Variants in KLF11 observed in about 807,000 individuals in gnomAD.
KLF11 encodes the protein Krueppel-like factor 11.
In KLF11, 26 loss-of-function variants were observed where a neutral mutation model predicts 29.9. The observed-to-expected ratio is 0.87, with a 90% confidence interval of 0.64 to 1.21. The LOEUF is 1.21. Ranked by LOEUF, KLF11 falls within the 50% of genes most tolerant of loss-of-function variation. The pLI, the probability that KLF11 is intolerant of heterozygous loss-of-function variation, is 0.00. For synonymous variants in KLF11, 318 were observed against 257.4 expected (o/e 1.24, Z -2.25); for missense variants, 778 against 665.7 (o/e 1.17, Z -1.86).
chr2:10,051,760 G>T (rs1298092231), intron 3 of KLF11, among the ~76,000 whole-genome samples: 1 of 151,846 alleles, frequency 6.6e-6, no homozygotes. Flanking sequence ...TTTGTGATCC[G>T]CCCGCCTCGG....
chr2:10,043,709 C>T lies in KLF11; in HGVS notation c.-8C>T, dbSNP rs1425584471. ...CGGCCGCTTTGTTGCTCCCGGCCGGCCTGCACGATGCACACGCCGGACTTC... is the reference window on the plus strand; with the variant it reads ...CGGCCGCTTTGTTGCTCCCGGCCGGTCTGCACGATGCACACGCCGGACTTC... On this transcript the variant is annotated 5_prime_UTR_variant, in exon 1 of 4. Transcript: ENST00000305883. 2.2e-6 allele frequency: 3 copies of T among 1,358,014 alleles called. No homozygotes were observed. Among genetic ancestry groups the T allele is most frequent in the African/African-American group, 1.6e-5 (1 of 64,430 alleles). 84.1% of individuals were successfully genotyped at this position (1,358,014 alleles called of 1,614,324 possible).
At chr2:10,046,559 T>TAGA (rs1661210694) in intron 2 of KLF11, 140 bp downstream of exon 2, 3 of 963,076 alleles carry the variant, frequency 3.1e-6, no homozygotes, top group Non-Finnish European at 4.8e-6. Context: ...TCTGAAGGAG[T>TAGA]AGAAACTCTT....
At chr2:10,050,410 A>G (rs1480194440) in intron 3 of KLF11, among the ~76,000 whole-genome samples, 1 of 136,530 alleles carries the variant, frequency 7.3e-6, no homozygotes, top group Non-Finnish European at 1.5e-5. Flanking sequence ...CTTATCTCAA[A>G]AAAAAAAAAA....
In KLF11 at chr2:10,053,245, A is replaced by G. The variant is rs146942100; in HGVS notation, c.*738A>G. The stretch of plus-strand genomic sequence containing the variant: ...TGAAGGATGTACCCCAGAGAGTAAC[A>G]TGAGCCACTGGGCAGATCCCAGGGA... On this transcript the variant is annotated 3_prime_UTR_variant, in exon 4 of 4. Coordinates refer to ENST00000305883, the MANE Select transcript of KLF11 (RefSeq NM_003597.5). The G allele has an allele frequency of 5.1e-4, 204 of 398,740 alleles. No homozygotes were observed. The highest frequency in any genetic ancestry group is 3.8e-3 in the African/African-American group (184 of 48,764). 24.7% of individuals were successfully genotyped at this position (398,740 alleles called of 1,614,324 possible). A position where few individuals can be genotyped will look rare whatever the true frequency, so the allele number is the denominator to read the frequency against.
chr2:10,043,689 G>A lies in KLF11; in HGVS notation c.-28G>A, dbSNP rs1298523782. Reference sequence around the variant, plus strand: ...GCGCCCGAGCTCACGCCCCGCGGCCGCTTTGTTGCTCCCGGCCGGCCTGCA... The same window carrying A: ...GCGCCCGAGCTCACGCCCCGCGGCCACTTTGTTGCTCCCGGCCGGCCTGCA... On this transcript the variant is annotated 5_prime_UTR_variant, in exon 1 of 4. Transcript: ENST00000305883. The A allele has an allele frequency of 3.8e-6, 5 of 1,305,234 alleles. No individual in the cohort carries two copies. Among genetic ancestry groups the A allele is most frequent in the African/African-American group, 3.2e-5 (2 of 62,976 alleles). The allele number at this position is 1,305,234 out of a possible 1,614,324, so 80.9% of individuals were successfully genotyped here.
intron 3 of KLF11, 128 bp from the exon 4 acceptor site, chr2:10,052,099 T>G: frequency 1.0e-6 from 1 of 983,424 alleles, no homozygotes. Flanking sequence ...ATCATCCAAT[T>G]CCAGAGTAAT....
At chr2:10,044,607 A>G (rs151012919) in intron 1 of KLF11, among the ~76,000 whole-genome samples, 1 of 150,378 alleles carries the variant, frequency 6.6e-6, no homozygotes, top group Non-Finnish European at 1.5e-5. Context: ...CATGGCAGAT[A>G]GAGAGGAAAC....
At position 10,047,680 on chromosome 2, in the gene KLF11, G is replaced by A. The variant is rs755317879; in HGVS notation, c.343G>A (p.Val115Met). 19 of 1,613,020 alleles carry A rather than the reference G, an allele frequency of 1.2e-5. No homozygotes were observed. Among genetic ancestry groups the A allele is most frequent in the African/African-American group, 2.7e-5 (2 of 74,830 alleles). ...CITPPQSPDL[V>M]EPSTRTPVSP... ...AACTCCTCCTCAGAGCCCTGATCTC[G>A]TGGAGCCATCGACAAGGACACCTGT... The change falls in exon 3 of 4, where the codon GTG becomes ATG. Residue 115 changes from valine (V) to methionine (M), a missense_variant. Coordinates refer to ENST00000305883, the MANE Select transcript of KLF11 (RefSeq NM_003597.5).
rs1268279074 is a variant in KLF11, at chr2:10,054,704, TTTA to T, written c.*2198_*2200del. ...CTTGATCTTTTGTGACTTTGAGCCTTTTAAGTAGTTTGAATGATAAGACTTAAA... is the reference window on the plus strand; with the variant it reads ...CTTGATCTTTTGTGACTTTGAGCCTTAGTAGTTTGAATGATAAGACTTAAA... On this transcript the variant is annotated 3_prime_UTR_variant, in exon 4 of 4. Coordinates refer to ENST00000305883, the MANE Select transcript of KLF11 (RefSeq NM_003597.5). 6.5e-6 allele frequency: 1 copy of T among 152,684 alleles called. No homozygotes were observed. The highest frequency in any genetic ancestry group is 1.5e-5 in the Non-Finnish European group (1 of 68,050). The allele number at this position is 152,684 out of a possible 1,614,324, so 9.5% of individuals were successfully genotyped here.
At chr2:10,045,789 C>G (rs370032206) in intron 1 of KLF11, among the ~76,000 whole-genome samples, 1 of 152,236 alleles carries the variant, frequency 6.6e-6, no homozygotes, top group African/African-American at 2.4e-5. Context: ...TCAGTGTTGG[C>G]TCCTCCTCCC....
Position 10,044,223 on chromosome 2 carries a change from G to C in KLF11, c.42+465G>C, listed in dbSNP as rs1192132899. On this transcript the variant is annotated intron_variant, in intron 1 of 3. Coordinates refer to ENST00000305883, the MANE Select transcript of KLF11 (RefSeq NM_003597.5). ...AGCGGCTAGCGGTAGTGCCGCTCGGGCCTGGGGGCGGGCAAGGTCTAGGGG... is the reference window on the plus strand; with the variant it reads ...AGCGGCTAGCGGTAGTGCCGCTCGGCCCTGGGGGCGGGCAAGGTCTAGGGG... 22 of 848,876 alleles carry C rather than the reference G, an allele frequency of 2.6e-5. No homozygotes were observed. In the Admixed American group the frequency reaches 9.7e-4, roughly 37 times the overall value. 52.6% of individuals were successfully genotyped at this position (848,876 alleles called of 1,614,324 possible). A position where few individuals can be genotyped will look rare whatever the true frequency, so the allele number is the denominator to read the frequency against.
chr2:10,047,859 C>T lies in KLF11; in HGVS notation c.522C>T (p.Ser174=), dbSNP rs200997824. 8 of 1,613,786 alleles carry T rather than the reference C, an allele frequency of 5.0e-6. No individual in the cohort carries two copies. The Admixed American group carries it at 5.0e-5, about 10-fold the overall frequency. The stretch of plus-strand genomic sequence containing the variant: ...CTCCCTGCAGGGCCAAGGGGACTAG[C>T]GTGATCCGACACACTGGGGAGAGCC... ...PSSPCRAKGT[S]VIRHTGESPA... is the part of the protein sequence containing the mutation. Residue 174 remains serine (S), a synonymous_variant, in exon 3 of 4, where the codon AGC becomes AGT. Coordinates refer to ENST00000305883, the MANE Select transcript of KLF11 (RefSeq NM_003597.5).
At chr2:10,046,736 T>A (rs887477089) in intron 2 of KLF11, among the ~76,000 whole-genome samples, 1 of 152,102 alleles carries the variant, frequency 6.6e-6, no homozygotes, top group African/African-American at 2.4e-5. Context: ...GCGCCTGTAG[T>A]CCCAGCTATT....
chr2:10,048,945 T>C (rs886637756), intron 3 of KLF11, among the ~76,000 whole-genome samples: 1 of 150,090 alleles, frequency 6.7e-6, no homozygotes, highest in Admixed American at 6.7e-5. Context: ...AAAACATGCA[T>C]TCATTCACAT....
At chr2:10,044,106 GC>G in intron 1 of KLF11, 4 of 633,326 alleles carry the variant, frequency 6.3e-6, no homozygotes, top group Non-Finnish European at 7.9e-6. Flanking sequence ...TGGCGGGAAC[GC>G]GGCACGCGGC....
Position 10,043,772 on chromosome 2 carries a change from C to G in KLF11, c.42+14C>G, listed in dbSNP as rs1661069753. On this transcript the variant is annotated intron_variant, in intron 1 of 3. Transcript: ENST00000305883. ...GACGCGCGCGCAGTGAGTGGTGGGG[C>G]TGCCGCGGCGGGACTACTCGTCTGA... 1 of 1,372,024 alleles carries G rather than the reference C, an allele frequency of 7.3e-7. No individual in the cohort carries two copies. The highest frequency in any genetic ancestry group is 1.5e-5 in the African/African-American group (1 of 64,876). The allele number at this position is 1,372,024 out of a possible 1,614,324, so 85.0% of individuals were successfully genotyped here.
At chr2:10,051,598 A>G (rs1661407281) in intron 3 of KLF11, among the ~76,000 whole-genome samples, 1 of 151,918 alleles carries the variant, frequency 6.6e-6, no homozygotes, top group South Asian at 2.1e-4. Context: ...GCTCACTGCA[A>G]GCTCTGCCTC....
chr2:10,047,971 G>C lies in KLF11; in HGVS notation c.634G>C (p.Glu212Gln). Residue 212 changes from glutamate to glutamine, a missense_variant, in exon 3 of 4, where the codon GAA (glutamate) becomes CAA (glutamine). Glu to Gln is a conservative substitution (Grantham distance 29, BLOSUM62 2). Coordinates refer to ENST00000305883, the MANE Select transcript of KLF11 (RefSeq NM_003597.5). ...EGEEQLLGHFETLQDTHLTDS... is the reference protein window; with the variant it reads ...EGEEQLLGHFQTLQDTHLTDS... ...AGAAGAGCAGCTTCTGGGACACTTT[G>C]AAACTTTGCAGGACACACACCTCAC... is the stretch of plus-strand genomic sequence containing the variant. 1.2e-6 allele frequency: 2 copies of C among 1,613,986 alleles called. No homozygotes were observed. The highest frequency in any genetic ancestry group is 1.7e-6 in the Non-Finnish European group (2 of 1,180,036).
chr2:10,048,119 C>T lies in KLF11; in HGVS notation c.782C>T (p.Pro261Leu), dbSNP rs148123124. 3,394 of 1,614,198 alleles carry T rather than the reference C, an allele frequency of 2.1e-3. 16 individuals are homozygous for T. The highest frequency in any genetic ancestry group is 2.9e-3 in the South Asian group (260 of 91,088). ...CCTGGTGCAGTTCAGACTTGCTCAC[C>T]AAAGAATTATGAAAATGACCTGCCC... ...GWPGAVQTCS[P>L]KNYENDLPRK... Residue 261 changes from proline (P) to leucine (L), a missense_variant, in exon 3 of 4, where the codon CCA becomes CTA. Physicochemically the swap from Pro to Leu is moderately conservative, Grantham distance 98. Coordinates refer to ENST00000305883, the MANE Select transcript of KLF11 (RefSeq NM_003597.5).
Sources: gnomAD v4.1 joint callset for allele counts (sites outside exome capture counted in the v4.1 genomes callset) on GRCh38, gnomAD v4.1.1 for gene constraint, MANE v1.5 for transcripts, NCBI Gene and HGNC (gene_info 2026-07-23, HGNC 2026-07-21) for gene names.